The following ADARB2 variants were observed in gnomAD, a reference collection of about 807,000 sequenced individuals.
The protein encoded by ADARB2 is adenosine deaminase RNA specific B2 (inactive).
A neutral mutation model predicts 62.2 loss-of-function variants in ADARB2; 25 were observed. The observed-to-expected ratio is 0.40, with a 90% CI of 0.29 to 0.56. ADARB2 has a LOEUF of 0.56. Ranked by LOEUF, ADARB2 falls within the 20% of genes least tolerant of loss-of-function variation. The probability of loss-of-function intolerance (pLI) is 0.43; values close to 1 mark genes in which losing one functional copy is unlikely to be tolerated. For synonymous variants in ADARB2, 572 were observed against 500.8 expected, an observed-to-expected ratio of 1.14 and a Z score of -1.90; for missense variants, 1,071 against 1,077.4, an observed-to-expected ratio of 0.99 and a Z score of 0.08.
intron 1 of ADARB2, among the ~76,000 whole-genome samples, chr10:1,642,011 TAAA>T (rs11353381): frequency 1.3e-5 from 2 of 151,134 alleles, no homozygotes; most frequent in Non-Finnish European, 3.0e-5. Flanking sequence ...AGACTCCATT[TAAA>T]AAAAAAAGTG....
At chr10:1,568,846 G>C (rs200855028) in intron 1 of ADARB2, among the ~76,000 whole-genome samples, 1 of 102,906 alleles carries the variant, frequency 9.7e-6, no homozygotes, top group Non-Finnish European at 2.1e-5. Context: ...ATCTATCTAT[G>C]AGCTAAATGG....
In ADARB2 at chr10:1,704,855, C is replaced by T. The variant is rs1834868580; in HGVS notation, c.100+32196G>A. Reference sequence around the variant, plus strand: ...AGCTTGCATATGCCAGCCTGAGCCTCCACTCTCTCACTGAGGAGCCCAGCA... The same window carrying T: ...AGCTTGCATATGCCAGCCTGAGCCTTCACTCTCTCACTGAGGAGCCCAGCA... On this transcript the variant is annotated intron_variant, in intron 1 of 9. Coordinates refer to ENST00000381312, the MANE Select transcript of ADARB2 (RefSeq NM_018702.4). The surrounding 1 kb of genome is among the most constrained non-coding windows in gnomAD (Gnocchi z 5.6). 6.6e-6 allele frequency among the ~76,000 whole-genome samples: 1 copy of T among 152,136 alleles called. No homozygotes were observed. Among genetic ancestry groups the T allele is most frequent in the Admixed American group, 6.5e-5 (1 of 15,274 alleles).
At chr10:1,424,974 C>T (rs1480759245) in intron 1 of ADARB2, among the ~76,000 whole-genome samples, 2 of 152,088 alleles carry the variant, frequency 1.3e-5, no homozygotes, top group African/African-American at 4.8e-5. Context: ...TCTCCAAAAG[C>T]ATTTATCAGC....
In ADARB2 at chr10:1,403,181, T is replaced by G. The variant is rs74123405; in HGVS notation, c.101-24021A>C. 9.2e-3 allele frequency among the ~76,000 whole-genome samples: 1,399 copies of G among 152,266 alleles called. 25 individuals carry two copies. The highest frequency in any genetic ancestry group is 0.032 in the African/African-American group (1,323 of 41,558). ...GCTGCTCAACTCGTTTTTTCTTTTCTGAGCCAGCCGCTGCTCAACTTTTCA... is the reference window on the plus strand; with the variant it reads ...GCTGCTCAACTCGTTTTTTCTTTTCGGAGCCAGCCGCTGCTCAACTTTTCA... On this transcript the variant is annotated intron_variant, in intron 1 of 9. Transcript: ENST00000381312.
At position 1,297,719 on chromosome 10, in the gene ADARB2, T is replaced by C. The variant is rs1340311103; in HGVS notation, c.1078-26650A>G. ...CCAGCCTCATACAGCCTGTGTGCGC[T>C]CCTGCCACCGGGGGGCACACCTTTT... is the stretch of plus-strand genomic sequence containing the variant. On this transcript the variant is annotated intron_variant, in intron 3 of 9. Transcript: ENST00000381312. Among the ~76,000 whole-genome samples the C allele has an allele frequency of 2.6e-5, 4 of 152,132 alleles. No individual in the cohort carries two copies. The East Asian group carries it at 5.8e-4, about 22-fold the overall frequency.
chr10:1,596,051 CAGAA>C (rs1693924649), intron 1 of ADARB2, among the ~76,000 whole-genome samples: 1 of 152,214 alleles, frequency 6.6e-6, no homozygotes, highest in African/African-American at 2.4e-5. Flanking sequence ...GACTTGTTCA[CAGAA>C]AGAGTGAAGG....
chr10:1,233,153 G>A (rs1478380731), intron 6 of ADARB2, among the ~76,000 whole-genome samples: 2 of 152,128 alleles, frequency 1.3e-5, no homozygotes, highest in Non-Finnish European at 2.9e-5. Flanking sequence ...TTTGCTGATG[G>A]AGAGGACAGA....
intron 1 of ADARB2, among the ~76,000 whole-genome samples, chr10:1,559,099 C>G (rs79105606): frequency 0.02 from 3,090 of 152,318 alleles, 106 homozygotes; most frequent in African/African-American, 0.069. Flanking sequence ...CTTTAAGACA[C>G]TGATGCACTT....
At chr10:1,372,936 G>A (rs1041243243) in intron 2 of ADARB2, among the ~76,000 whole-genome samples, 1 of 152,052 alleles carries the variant, frequency 6.6e-6, no homozygotes. Context: ...ATCTAACCAA[G>A]GAGATGAAAG....
At chr10:1,436,235 G>C (rs762529990) in intron 1 of ADARB2, among the ~76,000 whole-genome samples, 25 of 152,158 alleles carry the variant, frequency 1.6e-4, no homozygotes, top group Non-Finnish European at 2.8e-4. Context: ...GGATTGATCT[G>C]TTAATTTTCC....
At chr10:1,519,013 C>T (rs377474173) in intron 1 of ADARB2, among the ~76,000 whole-genome samples, 5 of 151,778 alleles carry the variant, frequency 3.3e-5, no homozygotes, top group African/African-American at 1.2e-4. Flanking sequence ...GTAACGTCTG[C>T]ACATGGTATG....
intron 4 of ADARB2, among the ~76,000 whole-genome samples, chr10:1,267,148 A>C (rs529389596): frequency 5.9e-5 from 9 of 151,868 alleles, no homozygotes; most frequent in African/African-American, 9.6e-5. Context: ...AAAAAAAAAA[A>C]AAAACCTTTC....
At chr10:1,379,712 C>T (rs1832465551) in intron 1 of ADARB2, among the ~76,000 whole-genome samples, 1 of 152,172 alleles carries the variant, frequency 6.6e-6, no homozygotes, top group South Asian at 2.1e-4. Flanking sequence ...AGAGCATGCA[C>T]AGTCCTCCCG....
intron 1 of ADARB2, among the ~76,000 whole-genome samples, chr10:1,694,453 G>C (rs1277857779): frequency 6.6e-6 from 1 of 152,118 alleles, no homozygotes; most frequent in Non-Finnish European, 1.5e-5. Flanking sequence ...CTCTTACTTA[G>C]TCTTAATTGA....
At position 1,672,900 on chromosome 10, in the gene ADARB2, G is replaced by A. The variant is rs536296455; in HGVS notation, c.100+64151C>T. ...TAGAAATGGAGAGTAATTACTCAGGGTACTGCACAAATCCATAGGAGGGAA... is the reference window on the plus strand; with the variant it reads ...TAGAAATGGAGAGTAATTACTCAGGATACTGCACAAATCCATAGGAGGGAA... On this transcript the variant is annotated intron_variant, in intron 1 of 9. Coordinates refer to ENST00000381312, the MANE Select transcript of ADARB2 (RefSeq NM_018702.4). Among the ~76,000 whole-genome samples, 3 of 152,328 alleles carry A rather than the reference G, an allele frequency of 2.0e-5. No individual in the cohort carries two copies. In the East Asian group the frequency reaches 5.8e-4, roughly 29 times the overall value.
intron 1 of ADARB2, among the ~76,000 whole-genome samples, chr10:1,480,526 A>G (rs959710540): frequency 1.4e-4 from 22 of 152,138 alleles, no homozygotes; most frequent in Admixed American, 5.9e-4. Context: ...GTGAAACCCC[A>G]TCTCTACTAA....
chr10:1,580,942 C>T (rs1351330563), intron 1 of ADARB2, among the ~76,000 whole-genome samples: 1 of 152,248 alleles, frequency 6.6e-6, no homozygotes, highest in African/African-American at 2.4e-5. Flanking sequence ...CATGCACCAT[C>T]GTGCGGATGA....
chr10:1,403,050 A>G (rs531919895), intron 1 of ADARB2, among the ~76,000 whole-genome samples: 2 of 152,234 alleles, frequency 1.3e-5, no homozygotes, highest in South Asian at 4.1e-4. Flanking sequence ...GTGCGCCTGG[A>G]GCTCTGCTGG....
intron 1 of ADARB2, among the ~76,000 whole-genome samples, chr10:1,617,091 ATGTT>A (rs143224980): frequency 0.048 from 6,395 of 131,976 alleles, 177 homozygotes; most frequent in South Asian, 0.15. Context: ...CTGTCGCTAG[ATGTT>A]TGTGTGCCCG....
Sources: gnomAD v4.1 joint callset for allele counts (sites outside exome capture counted in the v4.1 genomes callset) on GRCh38, gnomAD v4.1.1 for gene constraint, Gnocchi (gnomAD v3.1) non-coding constraint, MANE v1.5 for transcripts, NCBI Gene and HGNC (gene_info 2026-07-23, HGNC 2026-07-21) for gene names.